Variants in RBMS1 observed in about 807,000 individuals in gnomAD.
RBMS1 encodes RNA-binding motif, single-stranded-interacting protein 1.
A neutral mutation model predicts 62.3 loss-of-function variants in RBMS1; 17 were observed. That is an observed-to-expected ratio of 0.27 (90% CI 0.19 to 0.41). RBMS1 has a LOEUF of 0.41. RBMS1 is among the 10% of genes least tolerant of loss of function. The pLI is 1.00. For synonymous variants in RBMS1, 172 were observed against 170.0 expected (o/e 1.01, Z -0.09); for missense variants, 334 against 504.5 (o/e 0.66, Z 3.24).
At chr2:160,407,354 A>G in intron 1 of RBMS1, 1 of 985,248 alleles carries the variant, frequency 1.0e-6, no homozygotes, top group Non-Finnish European at 1.2e-6. Flanking sequence ...CTGGGAAACA[A>G]GGTCACCGCC....
intron 1 of RBMS1, among the ~76,000 whole-genome samples, chr2:160,374,369 T>C (rs1693883974): frequency 6.6e-6 from 1 of 152,204 alleles, no homozygotes; most frequent in African/African-American, 2.4e-5. Flanking sequence ...GAAGGATCAT[T>C]CTTCACAAAA....
intron 1 of RBMS1, chr2:160,408,709 A>C (rs774041002): frequency 2.6e-5 from 4 of 152,190 alleles, no homozygotes; most frequent in Non-Finnish European, 5.9e-5. Flanking sequence ...TTGTTTCCCG[A>C]TGTAAATGAC....
At chr2:160,319,386 C>A (rs549271299) in intron 2 of RBMS1, among the ~76,000 whole-genome samples, 7 of 152,190 alleles carry the variant, frequency 4.6e-5, no homozygotes, top group African/African-American at 1.7e-4. Context: ...GTAGTGCATG[C>A]CTGTAGTACC....
chr2:160,282,950 A>C (rs958001450), intron 9 of RBMS1: 1 of 152,224 alleles, frequency 6.6e-6, no homozygotes, highest in Non-Finnish European at 1.5e-5. Context: ...ATGAAATTCC[A>C]TATGTATCTT....
intron 2 of RBMS1, among the ~76,000 whole-genome samples, chr2:160,334,793 GCT>G (rs1691476520): frequency 6.6e-6 from 1 of 152,036 alleles, no homozygotes; most frequent in Admixed American, 6.6e-5. Context: ...ACCATTCCAG[GCT>G]AAGTTTAAAT....
chr2:160,485,017 G>A (rs1298006004), intron 1 of RBMS1, among the ~76,000 whole-genome samples: 2 of 152,212 alleles, frequency 1.3e-5, no homozygotes, highest in Non-Finnish European at 2.9e-5. Context: ...AGGGCTGAAG[G>A]AGAGTAAAGA....
At chr2:160,276,811 A>C (rs961628316) in intron 12 of RBMS1, 1 of 152,266 alleles carries the variant, frequency 6.6e-6, no homozygotes, top group African/African-American at 2.4e-5. Context: ...TTATCTTATT[A>C]TGTCTGTAGT....
At chr2:160,364,566 T>TG (rs1693299449) in intron 2 of RBMS1, among the ~76,000 whole-genome samples, 1 of 152,178 alleles carries the variant, frequency 6.6e-6, no homozygotes, top group Non-Finnish European at 1.5e-5. Flanking sequence ...CGAGTCTGGG[T>TG]GGGGCTGCCT....
At chr2:160,466,318 G>GA (rs1490657547) in intron 1 of RBMS1, among the ~76,000 whole-genome samples, 1 of 152,050 alleles carries the variant, frequency 6.6e-6, no homozygotes, top group African/African-American at 2.4e-5. Flanking sequence ...ATATTCTAGA[G>GA]ATTCCTCTGA....
chr2:160,403,440 T>C (rs953163810), intron 1 of RBMS1, among the ~76,000 whole-genome samples: 4 of 152,226 alleles, frequency 2.6e-5, no homozygotes, highest in Admixed American at 6.5e-5. Context: ...GAACAGAAAC[T>C]GCCTGAAGAG....
At chr2:160,336,100 G>A (rs1348156787) in intron 2 of RBMS1, among the ~76,000 whole-genome samples, 1 of 152,070 alleles carries the variant, frequency 6.6e-6, no homozygotes, top group Non-Finnish European at 1.5e-5. Flanking sequence ...AATTGGCAAA[G>A]ATAACAACAA....
intron 1 of RBMS1, among the ~76,000 whole-genome samples, chr2:160,411,267 T>C (rs1186292827): frequency 6.6e-6 from 1 of 152,128 alleles, no homozygotes; most frequent in East Asian, 1.9e-4. Context: ...GCTGAACCAG[T>C]TACTAAGGGG....
chr2:160,324,882 GTA>G (rs201492090), intron 2 of RBMS1, among the ~76,000 whole-genome samples: 1,923 of 99,880 alleles, frequency 0.019, 34 homozygotes, highest in South Asian at 0.024. Context: ...GTGTGTGTGT[GTA>G]TATATATATA....
chr2:160,469,855 A>T (rs1684849647), intron 1 of RBMS1, among the ~76,000 whole-genome samples: 1 of 152,232 alleles, frequency 6.6e-6, no homozygotes. Context: ...CCTCGTAATG[A>T]ATAGACACAA....
chr2:160,289,739 A>G (rs1688584892), intron 6 of RBMS1, among the ~76,000 whole-genome samples: 1 of 152,102 alleles, frequency 6.6e-6, no homozygotes, highest in Non-Finnish European at 1.5e-5. Flanking sequence ...GCTAACCAGA[A>G]GCAAAATACT....
chr2:160,386,501 A>C (rs1029965541), intron 1 of RBMS1, among the ~76,000 whole-genome samples: 9 of 151,156 alleles, frequency 6.0e-5, no homozygotes, highest in African/African-American at 2.2e-4. Flanking sequence ...AGATCGTGCT[A>C]TTGCACTCCA....
chr2:160,281,669 A>G, intron 9 of RBMS1: 1 of 265,674 alleles, frequency 3.8e-6, no homozygotes, highest in South Asian at 6.6e-5. Context: ...CTATCTATGC[A>G]AGGGAGATAA....
intron 1 of RBMS1, among the ~76,000 whole-genome samples, chr2:160,476,797 G>A (rs1685157196): frequency 6.6e-6 from 1 of 151,524 alleles, no homozygotes; most frequent in Non-Finnish European, 1.5e-5. Context: ...CTCGTGATCC[G>A]CCCGCCTCGG....
At chr2:160,383,896 G>A (rs972031144) in intron 1 of RBMS1, among the ~76,000 whole-genome samples, 7 of 152,174 alleles carry the variant, frequency 4.6e-5, no homozygotes, top group African/African-American at 1.2e-4. Flanking sequence ...TGGGGATGGA[G>A]TAAATAAATA....
Sources: gnomAD v4.1 joint callset for allele counts (sites outside exome capture counted in the v4.1 genomes callset) on GRCh38, gnomAD v4.1.1 for gene constraint, MANE v1.5 for transcripts, NCBI Gene and HGNC (gene_info 2026-07-23, HGNC 2026-07-21) for gene names.